The following FNBP1 variants were observed in gnomAD, a reference collection of about 807,000 sequenced individuals.
FNBP1 encodes formin-binding protein 1.
Under a neutral mutation model 90.6 loss-of-function variants are expected in FNBP1, and 26 were observed. That is an observed-to-expected ratio of 0.29 (90% CI 0.21 to 0.40). The LOEUF is 0.40. FNBP1 is among the 10% of genes least tolerant of loss of function. The pLI, the probability that FNBP1 is intolerant of heterozygous loss-of-function variation, is 1.00. For synonymous variants in FNBP1, 260 were observed against 265.2 expected (o/e 0.98, Z 0.19); for missense variants, 635 against 768.0 (o/e 0.83, Z 2.05).
intron 1 of FNBP1, among the ~76,000 whole-genome samples, chr9:130,040,667 T>G (rs1202101892): frequency 6.6e-6 from 1 of 151,820 alleles, no homozygotes; most frequent in Non-Finnish European, 1.5e-5. Flanking sequence ...AACTCCTCAT[T>G]GCCATACACT....
intron 1 of FNBP1, among the ~76,000 whole-genome samples, chr9:130,034,611 A>T (rs1284735549): frequency 6.6e-6 from 1 of 152,238 alleles, no homozygotes; most frequent in Non-Finnish European, 1.5e-5. Flanking sequence ...ATTAGAAAAG[A>T]GAAACAATAA....
intron 2 of FNBP1, among the ~76,000 whole-genome samples, chr9:129,988,886 A>G (rs79650260): frequency 1.3e-5 from 2 of 152,290 alleles, no homozygotes; most frequent in South Asian, 2.1e-4. Context: ...TATGTCTAAA[A>G]TAAGTTAGCA....
chr9:130,047,239 T>G (rs2060065818), upstream of FNBP1, among the ~76,000 whole-genome samples: 1 of 152,202 alleles, frequency 6.6e-6, no homozygotes, highest in Admixed American at 6.5e-5. Flanking sequence ...TGATGTCCAC[T>G]ACAAAATTAA....
intron 1 of FNBP1, among the ~76,000 whole-genome samples, chr9:130,033,659 AGAC>A (rs2059010128): frequency 1.3e-5 from 2 of 151,260 alleles, no homozygotes; most frequent in Admixed American, 1.3e-4. Flanking sequence ...CAACACAGGA[AGAC>A]CCCCCCACCT....
chr9:129,902,744 A>G, intron 13 of FNBP1, 125 bp downstream of exon 13: 1 of 907,934 alleles, frequency 1.1e-6, no homozygotes, highest in Non-Finnish European at 1.6e-6. Flanking sequence ...ATAACTCCTG[A>G]AACAGCCTGC....
rs2034832555 is a variant in FNBP1 at position 129,887,639 on chromosome 9, A to G, written c.*2900T>C. On this transcript the variant is annotated 3_prime_UTR_variant, in exon 17 of 17. Coordinates refer to ENST00000446176, the MANE Select transcript of FNBP1 (RefSeq NM_015033.3). ...GGCTTATCTCCACGGTGAGCAGGAT[A>G]AAAACCCCCAAGGAACAGCCCATGA... 1 of 218,002 alleles carries G rather than the reference A, an allele frequency of 4.6e-6. No homozygotes were observed. The highest frequency in any genetic ancestry group is 1.9e-4 in the South Asian group (1 of 5,398). 13.5% of individuals were successfully genotyped at this position (218,002 alleles called of 1,614,324 possible). A position where few individuals can be genotyped will look rare whatever the true frequency, so the allele number is the denominator to read the frequency against.
At chr9:129,952,598 A>G (rs2046351699) in intron 6 of FNBP1, among the ~76,000 whole-genome samples, 1 of 152,224 alleles carries the variant, frequency 6.6e-6, no homozygotes, top group Admixed American at 6.5e-5. Flanking sequence ...AAAGTATGGG[A>G]AAGATCTGCC....
chr9:130,052,937 G>A, the FNBP1 span, among the ~76,000 whole-genome samples: 987 of 151,966 alleles, frequency 6.5e-3, 10 homozygotes, highest in Middle Eastern at 0.014. Context: ...CAACATGGGA[G>A]AAACCCCGTG....
chr9:129,959,246 G>A (rs532033272), intron 4 of FNBP1, among the ~76,000 whole-genome samples: 6 of 151,954 alleles, frequency 3.9e-5, no homozygotes, highest in South Asian at 4.2e-4. Context: ...GCAGTGAGCC[G>A]TGATCGTGCC....
At chr9:130,029,495 C>T (rs1225108802) in intron 1 of FNBP1, among the ~76,000 whole-genome samples, 1 of 152,034 alleles carries the variant, frequency 6.6e-6, no homozygotes, top group Non-Finnish European at 1.5e-5. Context: ...CCATAGAGAA[C>T]AAAGAGTACC....
At chr9:130,030,308 A>ATGGG (rs2058691024) in intron 1 of FNBP1, among the ~76,000 whole-genome samples, 5 of 151,616 alleles carry the variant, frequency 3.3e-5, no homozygotes, top group Admixed American at 1.3e-4. Context: ...GGTGGGGCAC[A>ATGGG]CCTGTAATCC....
chr9:130,025,063 C>A (rs1338073308), intron 1 of FNBP1, among the ~76,000 whole-genome samples: 1 of 151,914 alleles, frequency 6.6e-6, no homozygotes, highest in African/African-American at 2.4e-5. Flanking sequence ...ACCTGTAATC[C>A]CAGCTACTCA....
intron 1 of FNBP1, among the ~76,000 whole-genome samples, chr9:130,003,328 G>A (rs1303321352): frequency 6.6e-6 from 1 of 152,072 alleles, no homozygotes; most frequent in Non-Finnish European, 1.5e-5. Flanking sequence ...ATGGTGGCAC[G>A]CACCTGTAGT....
At chr9:129,973,945 G>T (rs1345723322) in intron 4 of FNBP1, among the ~76,000 whole-genome samples, 1 of 151,768 alleles carries the variant, frequency 6.6e-6, no homozygotes, top group Admixed American at 6.6e-5. Context: ...TGAGTAGCTG[G>T]GATTACAGGC....
intron 16 of FNBP1, among the ~76,000 whole-genome samples, chr9:129,893,789 G>A (rs1253188098): frequency 2.0e-5 from 3 of 150,844 alleles, no homozygotes; most frequent in African/African-American, 7.3e-5. Context: ...GGTGGCACAC[G>A]CCTGTAGTCC....
At chr9:129,941,458 A>G (rs941437056) in intron 6 of FNBP1, among the ~76,000 whole-genome samples, 4 of 152,160 alleles carry the variant, frequency 2.6e-5, no homozygotes, top group African/African-American at 9.7e-5. Flanking sequence ...AATGATAGAC[A>G]ATGAAATTAC....
In FNBP1 at chr9:129,925,249, G is replaced by A. The variant is rs550103723; in HGVS notation, c.790-92C>T. On this transcript the variant is annotated intron_variant, in intron 8 of 16. Transcript: ENST00000446176. ...TGGCCAGGTGCGGTGGCTCATGCCT[G>A]TAATCCCAGCACTCTGGGAGGCAGA... is the stretch of plus-strand genomic sequence containing the variant. The A allele has an allele frequency of 2.0e-3, 1,931 of 982,370 alleles. 36 individuals carry two copies. The highest frequency in any genetic ancestry group is 4.2e-4 in the Non-Finnish European group (272 of 641,506). The allele number at this position is 982,370 out of a possible 1,614,324, so 60.9% of individuals were successfully genotyped here. A position where few individuals can be genotyped will look rare whatever the true frequency, so the allele number is the denominator to read the frequency against.
chr9:129,954,574 A>G (rs940778304), intron 6 of FNBP1, among the ~76,000 whole-genome samples: 1 of 152,220 alleles, frequency 6.6e-6, no homozygotes, highest in Non-Finnish European at 1.5e-5. Flanking sequence ...TGATTAATGT[A>G]ATTGACCACG....
At chr9:129,975,376 A>G (rs1467659494) in intron 4 of FNBP1, among the ~76,000 whole-genome samples, 2 of 152,230 alleles carry the variant, frequency 1.3e-5, no homozygotes, top group Non-Finnish European at 2.9e-5. Flanking sequence ...GCTCCTCCCA[A>G]CAGAACATCT....
Sources: gnomAD v4.1 joint callset for allele counts (sites outside exome capture counted in the v4.1 genomes callset) on GRCh38, gnomAD v4.1.1 for gene constraint, MANE v1.5 for transcripts, NCBI Gene and HGNC (gene_info 2026-07-23, HGNC 2026-07-21) for gene names.